TBL1X: variants seen among roughly 807,000 people sequenced by gnomAD.
The protein encoded by TBL1X is F-box-like/WD repeat-containing protein TBL1X.
A neutral mutation model predicts 50.7 loss-of-function variants in TBL1X; 10 were observed. The observed-to-expected ratio is 0.20, with a 90% confidence interval of 0.12 to 0.33. The LOEUF is 0.33. Among genes scored for constraint, TBL1X ranks in the 10% least tolerant of loss-of-function variants. TBL1X has a pLI of 1.00. For missense variants in TBL1X, 340 were observed against 504.4 expected, an observed-to-expected ratio of 0.67 and a Z score of 3.12; for synonymous variants, 190 against 214.7, an observed-to-expected ratio of 0.88 and a Z score of 1.01.
chrX:9,646,975 T>G (rs142807210), intron 3 of TBL1X, among the ~76,000 whole-genome samples: 201 of 111,948 alleles, frequency 1.8e-3, no homozygotes, highest in South Asian at 3.8e-3. Context: ...GCACCAGCTC[T>G]CCAGCAGGCC....
intron 5 of TBL1X, among the ~76,000 whole-genome samples, chrX:9,674,913 T>C (rs1166048870): frequency 9.0e-6 from 1 of 111,507 alleles, no homozygotes; most frequent in African/African-American, 3.3e-5. Flanking sequence ...ATCTGAATTT[T>C]CACCATATTT....
intron 2 of TBL1X, among the ~76,000 whole-genome samples, chrX:9,520,135 T>C (rs2082099764): frequency 8.9e-6 from 1 of 112,164 alleles, no homozygotes; most frequent in South Asian, 3.7e-4. Flanking sequence ...CATTACTTGC[T>C]GCTCTAAATA....
intron 2 of TBL1X, among the ~76,000 whole-genome samples, chrX:9,629,578 G>C (rs779244770): frequency 1.8e-5 from 2 of 112,352 alleles, no homozygotes; most frequent in Non-Finnish European, 3.8e-5. Flanking sequence ...GAGTATGCGT[G>C]TGTTTCTCTG....
At chrX:9,714,178 T>C (rs984640033) in intron 16 of TBL1X, among the ~76,000 whole-genome samples, 7 of 111,986 alleles carry the variant, frequency 6.3e-5, no homozygotes, top group African/African-American at 2.3e-4. Flanking sequence ...TAATGCTGTT[T>C]TAAACCGGAA....
intron 6 of TBL1X, among the ~76,000 whole-genome samples, chrX:9,686,144 G>C (rs1050462911): frequency 9.9e-5 from 11 of 111,462 alleles, no homozygotes; most frequent in African/African-American, 3.6e-4. Flanking sequence ...GTGTGCCCGG[G>C]ATCTTCCACT....
chrX:9,676,324 T>G (rs2082993936), intron 5 of TBL1X, among the ~76,000 whole-genome samples: 1 of 111,602 alleles, frequency 9.0e-6, no homozygotes, highest in Non-Finnish European at 1.9e-5. Flanking sequence ...CCCCCTACCC[T>G]AGCCGAGGCC....
At chrX:9,711,568 C>G in intron 15 of TBL1X, 43 bp from the exon 16 acceptor site, 1 of 1,112,719 alleles carries the variant, frequency 9.0e-7, no homozygotes, top group South Asian at 2.3e-5. Context: ...CTGTTTGAAA[C>G]CACCGTGTGT....
intron 8 of TBL1X, 52 bp from the exon 9 acceptor site, chrX:9,692,061 T>G: frequency 8.3e-7 from 1 of 1,210,038 alleles, no homozygotes; most frequent in Non-Finnish European, 1.1e-6. Flanking sequence ...GTGGAGAGCT[T>G]CTTATCCCAT....
intron 5 of TBL1X, among the ~76,000 whole-genome samples, chrX:9,667,264 CT>C (rs756195464): frequency 1.8e-5 from 2 of 111,556 alleles, no homozygotes; most frequent in Admixed American, 9.5e-5. Context: ...CCGTTCCCCC[CT>C]ACCCCCAAAA....
rs1293720819 is a variant in TBL1X at position 9,653,150 on chromosome X, C to T, written c.-42-395C>T. Among the ~76,000 whole-genome samples, 4 of 112,879 alleles carry T rather than the reference C, an allele frequency of 3.5e-5. No individual in the cohort carries two copies. The East Asian group carries it at 8.4e-4, about 24-fold the overall frequency. On this transcript the variant is annotated intron_variant, in intron 3 of 17. Coordinates refer to ENST00000645353, the MANE Select transcript of TBL1X (RefSeq NM_005647.4). ...ACTGCACTCCGGCCTGGCAACAGAGCGAGACTCCGTCTCAAAAGAAAAAAG... is the reference window on the plus strand; with the variant it reads ...ACTGCACTCCGGCCTGGCAACAGAGTGAGACTCCGTCTCAAAAGAAAAAAG...
At chrX:9,504,245 A>G (rs1376010820) in intron 2 of TBL1X, among the ~76,000 whole-genome samples, 2 of 112,082 alleles carry the variant, frequency 1.8e-5, no homozygotes, top group African/African-American at 6.5e-5. Context: ...AGTGACAACA[A>G]CAGCATCAAC....
intron 2 of TBL1X, among the ~76,000 whole-genome samples, chrX:9,597,751 G>A (rs2082533573): frequency 8.9e-6 from 1 of 112,443 alleles, no homozygotes; most frequent in Non-Finnish European, 1.9e-5. Context: ...TCCTGGTGGT[G>A]CAGGCTCTGA....
At chrX:9,634,559 C>T (rs974085108) in intron 2 of TBL1X, among the ~76,000 whole-genome samples, 1 of 110,836 alleles carries the variant, frequency 9.0e-6, no homozygotes, top group African/African-American at 3.3e-5. Flanking sequence ...GCTATGTTGC[C>T]CAGACTGGTC....
intron 2 of TBL1X, among the ~76,000 whole-genome samples, chrX:9,580,234 C>T (rs932929995): frequency 2.0e-4 from 22 of 111,900 alleles, no homozygotes; most frequent in Admixed American, 1.6e-3. Context: ...GTTAAGGATG[C>T]GCACCCATGA....
chrX:9,653,694 T>C lies in TBL1X; in HGVS notation c.103+5T>C, dbSNP rs2082849155. ...TTCAACGTTTGCGAGGGAGAGGTACTGCGGTTCCTCATGTGGCCAGGACCG... is the reference window on the plus strand; with the variant it reads ...TTCAACGTTTGCGAGGGAGAGGTACCGCGGTTCCTCATGTGGCCAGGACCG... On this transcript the variant is annotated splice_donor_5th_base_variant and intron_variant, in intron 4 of 17. Transcript: ENST00000645353. The C allele has an allele frequency of 8.6e-7, 1 of 1,164,647 alleles. No homozygotes were observed. Among genetic ancestry groups the C allele is most frequent in the Middle Eastern group, 2.3e-4 (1 of 4,279 alleles).
intron 1 of TBL1X, among the ~76,000 whole-genome samples, chrX:9,467,927 G>A (rs1300570987): frequency 1.8e-5 from 2 of 112,458 alleles, no homozygotes; most frequent in African/African-American, 6.5e-5. Flanking sequence ...AGTCCGCCGG[G>A]CTGCTGCCTG....
In TBL1X at chrX:9,688,002, G is replaced by C; in HGVS notation, c.358-15G>C. 4.2e-6 allele frequency: 5 copies of C among 1,197,502 alleles called. No individual in the cohort carries two copies. The highest frequency in any genetic ancestry group is 5.6e-6 in the Non-Finnish European group (5 of 887,893). ...CCCCGTGAGCTGACAGCTGTACCTTGGCTTGCTTCCCCAGGATGGCACAGT... is the reference window on the plus strand; with the variant it reads ...CCCCGTGAGCTGACAGCTGTACCTTCGCTTGCTTCCCCAGGATGGCACAGT... On this transcript the variant is annotated splice_polypyrimidine_tract_variant and intron_variant, in intron 6 of 17. Transcript: ENST00000645353.
intron 2 of TBL1X, among the ~76,000 whole-genome samples, chrX:9,609,043 G>T (rs754742258): frequency 1.8e-5 from 2 of 111,686 alleles, no homozygotes; most frequent in African/African-American, 3.3e-5. Context: ...TATATACCTA[G>T]GGGAGAAAAG....
intron 2 of TBL1X, among the ~76,000 whole-genome samples, chrX:9,523,960 CTTTTTTTTTTT>C (rs63038662): frequency 2.5e-5 from 1 of 40,814 alleles, no homozygotes; most frequent in Non-Finnish European, 4.4e-5. Context: ...TCATTTTAAC[CTTTTTTTTTTT>C]TTTTTTTTTT....
Sources: gnomAD v4.1 joint callset for allele counts (sites outside exome capture counted in the v4.1 genomes callset) on GRCh38, gnomAD v4.1.1 for gene constraint, MANE v1.5 for transcripts, NCBI Gene and HGNC (gene_info 2026-07-23, HGNC 2026-07-21) for gene names.